ARHGAP10: variants seen among roughly 807,000 people sequenced by gnomAD.
The protein encoded by ARHGAP10 is rho GTPase-activating protein 10.
ARHGAP10 carries 87 observed loss-of-function variants against 108.6 expected under a neutral mutation model. The ratio of observed to expected loss-of-function variants is 0.80; its 90% CI spans 0.67 to 0.96. The LOEUF is 0.96. Among genes scored for constraint, ARHGAP10 ranks in the 40% least tolerant of loss-of-function variants. The probability of loss-of-function intolerance (pLI) is 0.00; values close to 1 mark genes in which losing one functional copy is unlikely to be tolerated. For synonymous variants in ARHGAP10, 347 were observed against 341.1 expected (o/e 1.02, Z -0.19); for missense variants, 939 against 954.5 (o/e 0.98, Z 0.21).
intron 4 of ARHGAP10, among the ~76,000 whole-genome samples, chr4:147,852,585 T>C (rs1406151756): frequency 6.6e-6 from 1 of 151,822 alleles, no homozygotes; most frequent in African/African-American, 2.4e-5. Flanking sequence ...ACATTATCAG[T>C]AGGTTCTTGG....
intron 7 of ARHGAP10, among the ~76,000 whole-genome samples, chr4:147,870,462 A>G (rs1049739775): frequency 1.6e-4 from 24 of 152,204 alleles, no homozygotes; most frequent in African/African-American, 5.3e-4. Context: ...TTTAGTAAAA[A>G]AGCAAAACTT....
chr4:147,936,241 T>C (rs563466772), intron 13 of ARHGAP10, among the ~76,000 whole-genome samples: 1 of 152,180 alleles, frequency 6.6e-6, no homozygotes, highest in Admixed American at 6.5e-5. Flanking sequence ...AAAAGGTCTC[T>C]GATTTTTGTG....
intron 1 of ARHGAP10, among the ~76,000 whole-genome samples, chr4:147,806,342 T>G (rs1465307015): frequency 6.6e-6 from 1 of 152,032 alleles, no homozygotes; most frequent in Non-Finnish European, 1.5e-5. Context: ...CCAAAAGTGT[T>G]TCAATACCAG....
intron 18 of ARHGAP10, among the ~76,000 whole-genome samples, chr4:147,976,425 AGTCAAAATCCCAT>A (rs1466298254): frequency 6.6e-6 from 1 of 152,174 alleles, no homozygotes; most frequent in Non-Finnish European, 1.5e-5. Flanking sequence ...TCAGTGTAGA[AGTCAAAATCCCAT>A]AGCAAGAATA....
intron 1 of ARHGAP10, among the ~76,000 whole-genome samples, chr4:147,745,769 G>A (rs999367133): frequency 3.3e-5 from 5 of 150,032 alleles, no homozygotes; most frequent in African/African-American, 7.3e-5. Context: ...GGGATTACAG[G>A]TGTGAGCCAC....
chr4:147,938,796 A>G (rs1738050741), intron 13 of ARHGAP10, among the ~76,000 whole-genome samples: 1 of 152,220 alleles, frequency 6.6e-6, no homozygotes, highest in Non-Finnish European at 1.5e-5. Flanking sequence ...GTTACCTTTA[A>G]CATTCGTAGC....
chr4:147,755,492 C>T (rs1246760426), intron 1 of ARHGAP10, among the ~76,000 whole-genome samples: 1 of 152,060 alleles, frequency 6.6e-6, no homozygotes, highest in Non-Finnish European at 1.5e-5. Context: ...CATTGCACTC[C>T]AGCCTGGGCA....
chr4:147,936,708 T>G (rs1301016310), intron 13 of ARHGAP10, among the ~76,000 whole-genome samples: 1 of 152,174 alleles, frequency 6.6e-6, no homozygotes, highest in Non-Finnish European at 1.5e-5. Flanking sequence ...GTGTTCTGAG[T>G]AGACTTAGGT....
chr4:147,748,102 G>A lies in ARHGAP10; in HGVS notation c.154+15647G>A, dbSNP rs565590925. Among the ~76,000 whole-genome samples, 24 of 152,352 alleles carry A rather than the reference G, an allele frequency of 1.6e-4. No individual in the cohort carries two copies. The South Asian group carries it at 5.0e-3, about 32-fold the overall frequency. On this transcript the variant is annotated intron_variant, in intron 1 of 22. Coordinates refer to ENST00000336498, the MANE Select transcript of ARHGAP10 (RefSeq NM_024605.4). ...AGAAACTCTGCCTTAGAAATAGGGA[G>A]CCCATGTAATCTAAACCCAGATACT...
At chr4:147,738,992 G>A (rs1486514652) in intron 1 of ARHGAP10, among the ~76,000 whole-genome samples, 1 of 151,716 alleles carries the variant, frequency 6.6e-6, no homozygotes, top group Non-Finnish European at 1.5e-5. Flanking sequence ...AGACTAGTCT[G>A]GAGAACATGG....
intron 4 of ARHGAP10, among the ~76,000 whole-genome samples, chr4:147,850,460 C>T (rs747764970): frequency 2.6e-5 from 4 of 152,220 alleles, no homozygotes; most frequent in Admixed American, 6.5e-5. Flanking sequence ...CAGCTTCACT[C>T]CTGAAGCCAG....
chr4:147,958,216 C>T (rs1738861367), intron 16 of ARHGAP10, among the ~76,000 whole-genome samples: 1 of 152,178 alleles, frequency 6.6e-6, no homozygotes, highest in Non-Finnish European at 1.5e-5. Context: ...GCCTCAAAGT[C>T]CTTGCTGTAT....
intron 13 of ARHGAP10, among the ~76,000 whole-genome samples, chr4:147,915,989 G>GT (rs1182574013): frequency 1.3e-5 from 2 of 152,132 alleles, no homozygotes; most frequent in African/African-American, 4.8e-5. Flanking sequence ...TTTGCTTGTA[G>GT]TGACAGCTAC....
chr4:147,732,310 G>A lies in ARHGAP10; in HGVS notation c.9G>A (p.Leu3=). Residue 3 remains leucine, a synonymous_variant, in exon 1 of 23, where the codon CTG becomes CTA. Transcript: ENST00000336498. MG[L]QPLEFSDCYL... ...CAGCGACCGCTGCCGTCATGGGGCT[G>A]CAGCCCCTGGAGTTCAGCGACTGCT... 1.9e-6 allele frequency: 3 copies of A among 1,610,964 alleles called. No homozygotes were observed. The highest frequency in any genetic ancestry group is 1.7e-6 in the Non-Finnish European group (2 of 1,178,758).
chr4:147,874,899 A>T, intron 7 of ARHGAP10, 122 bp from the exon 8 acceptor site: 2 of 1,098,552 alleles, frequency 1.8e-6, no homozygotes, highest in Non-Finnish European at 2.4e-6. Context: ...ATTTTGAGAA[A>T]TTTATAAAAA....
chr4:147,831,110 T>C (rs1430709043), intron 3 of ARHGAP10, among the ~76,000 whole-genome samples: 2 of 152,238 alleles, frequency 1.3e-5, no homozygotes, highest in African/African-American at 4.8e-5. Context: ...CAGGTGATTC[T>C]GAAGCAGGCT....
At chr4:147,795,700 A>T (rs1477989530) in intron 1 of ARHGAP10, among the ~76,000 whole-genome samples, 2 of 142,862 alleles carry the variant, frequency 1.4e-5, no homozygotes, top group Admixed American at 7.0e-5. Flanking sequence ...ATTTAATTTA[A>T]TTTTTTTTTT....
At chr4:147,861,049 C>T (rs535378264) in intron 5 of ARHGAP10, 21 of 152,362 alleles carry the variant, frequency 1.4e-4, no homozygotes, top group African/African-American at 3.6e-4. Flanking sequence ...TGCTCTGGCC[C>T]GCTGGGCTTG....
intron 1 of ARHGAP10, among the ~76,000 whole-genome samples, chr4:147,786,577 C>T (rs930942967): frequency 3.9e-5 from 6 of 152,100 alleles, no homozygotes; most frequent in African/African-American, 1.4e-4. Context: ...TTTCAATGTA[C>T]AGCAGTAGGA....
Sources: gnomAD v4.1 joint callset for allele counts (sites outside exome capture counted in the v4.1 genomes callset) on GRCh38, gnomAD v4.1.1 for gene constraint, MANE v1.5 for transcripts, NCBI Gene and HGNC (gene_info 2026-07-23, HGNC 2026-07-21) for gene names.